The following LRRFIP2 variants were observed in gnomAD, a reference collection of about 807,000 sequenced individuals.
The protein encoded by LRRFIP2 is LRR binding FLII interacting protein 2, also known as leucine-rich repeat flightless-interacting protein 2.
A neutral mutation model predicts 125.9 loss-of-function variants in LRRFIP2; 109 were observed. That is an observed-to-expected ratio of 0.87 (90% confidence interval 0.74 to 1.01). LRRFIP2 has a LOEUF of 1.01. LRRFIP2 is among the 50% of genes least tolerant of loss of function. The pLI is 0.00. For synonymous variants in LRRFIP2, 291 were observed against 293.1 expected (o/e 0.99, Z 0.07); for missense variants, 850 against 862.3 (o/e 0.99, Z 0.18).
At chr3:37,136,472 A>G (rs2095556849) in intron 2 of LRRFIP2, among the ~76,000 whole-genome samples, 1 of 152,204 alleles carries the variant, frequency 6.6e-6, no homozygotes, top group Admixed American at 6.5e-5. Flanking sequence ...TAAATAGATG[A>G]GACTGAATGC....
In LRRFIP2 at chr3:37,127,655, T is replaced by C; in HGVS notation, c.203A>G (p.Lys68Arg). ...KEYSLHSFDR[K>R]WGQIQKWLED... ...CAGCCACTTCTGAATCTGTCCCCAC[T>C]TCCGATCAAAGGAATGAAGAGAGTA... Residue 68 changes from lysine to arginine, a missense_variant, in exon 4 of 28, where the codon AAG (lysine) becomes AGG (arginine). Physicochemically the swap from Lys to Arg is conservative, Grantham distance 26. Coordinates refer to ENST00000336686, the MANE Select transcript of LRRFIP2 (RefSeq NM_006309.4). 1 of 1,613,994 alleles carries C rather than the reference T, an allele frequency of 6.2e-7. No individual in the cohort carries two copies. The highest frequency in any genetic ancestry group is 1.1e-5 in the South Asian group (1 of 91,072).
intron 6 of LRRFIP2, among the ~76,000 whole-genome samples, chr3:37,117,830 A>G (rs1347085583): frequency 6.6e-6 from 1 of 152,234 alleles, no homozygotes; most frequent in Non-Finnish European, 1.5e-5. Context: ...TTCCTGGGCT[A>G]CACACCATAG....
chr3:37,149,069 G>A, intron 1 of LRRFIP2, 31 bp from the exon 2 acceptor site: 1 of 1,529,728 alleles, frequency 6.5e-7, no homozygotes, highest in Non-Finnish European at 8.8e-7. Flanking sequence ...ATAACTTAAG[G>A]TATTTCTTTG....
intron 19 of LRRFIP2, among the ~76,000 whole-genome samples, chr3:37,082,149 AG>A (rs2092697555): frequency 6.6e-6 from 1 of 152,208 alleles, no homozygotes; most frequent in Non-Finnish European, 1.5e-5. Flanking sequence ...AAGACAGATA[AG>A]AAAAAATGTG....
intron 2 of LRRFIP2, among the ~76,000 whole-genome samples, chr3:37,129,969 G>A (rs2095385543): frequency 6.6e-6 from 1 of 152,218 alleles, no homozygotes; most frequent in African/African-American, 2.4e-5. Flanking sequence ...CTGCAGCCTA[G>A]ATGACAGAGT....
At chr3:37,152,342 C>T (rs2096057772) in intron 1 of LRRFIP2, among the ~76,000 whole-genome samples, 1 of 152,122 alleles carries the variant, frequency 6.6e-6, no homozygotes, top group Non-Finnish European at 1.5e-5. Context: ...AGTGGGTACA[C>T]CATAAACTGC....
intron 15 of LRRFIP2, among the ~76,000 whole-genome samples, chr3:37,098,499 T>C (rs951394098): frequency 1.3e-5 from 2 of 151,898 alleles, no homozygotes. Context: ...GCTAGTCTCC[T>C]TGCCTCAGCC....
In LRRFIP2 at chr3:37,107,973, A is replaced by G. The variant is rs41285101; in HGVS notation, c.714+100T>C. 3.7e-3 allele frequency: 3,600 copies of G among 970,356 alleles called. 10 individuals carry two copies. The highest frequency in any genetic ancestry group is 5.0e-3 in the Non-Finnish European group (3,133 of 629,264). The allele number at this position is 970,356 out of a possible 1,614,324, so 60.1% of individuals were successfully genotyped here. A position where few individuals can be genotyped will look rare whatever the true frequency, so the allele number is the denominator to read the frequency against. ...AGGGAACACCTAATCCATGCACAACAAAGTGAATCACACCATATCCTCAAT... is the reference window on the plus strand; with the variant it reads ...AGGGAACACCTAATCCATGCACAACGAAGTGAATCACACCATATCCTCAAT... On this transcript the variant is annotated intron_variant, in intron 13 of 27. Coordinates refer to ENST00000336686, the MANE Select transcript of LRRFIP2 (RefSeq NM_006309.4).
At chr3:37,116,121 G>C (rs1227611408) in intron 6 of LRRFIP2, among the ~76,000 whole-genome samples, 1 of 152,028 alleles carries the variant, frequency 6.6e-6, no homozygotes, top group Non-Finnish European at 1.5e-5. Flanking sequence ...AATCAACTTA[G>C]TAGGGTCAAC....
chr3:37,156,079 T>C (rs2096181396), intron 1 of LRRFIP2, among the ~76,000 whole-genome samples: 1 of 152,124 alleles, frequency 6.6e-6, no homozygotes, highest in Non-Finnish European at 1.5e-5. Flanking sequence ...TACACCATGT[T>C]AGCCAGGCTC....
chr3:37,092,544 T>C (rs756763319), intron 17 of LRRFIP2, among the ~76,000 whole-genome samples: 37 of 152,322 alleles, frequency 2.4e-4, no homozygotes, highest in Non-Finnish European at 2.9e-4. Context: ...CAACAAGTAG[T>C]ATGACAAAAG....
At chr3:37,152,103 A>G (rs1048117517) in intron 1 of LRRFIP2, among the ~76,000 whole-genome samples, 5 of 152,314 alleles carry the variant, frequency 3.3e-5, no homozygotes, top group South Asian at 4.1e-4. Context: ...AGAAAATGTG[A>G]TATATATACA....
intron 2 of LRRFIP2, among the ~76,000 whole-genome samples, chr3:37,143,299 G>A (rs550339986): frequency 1.3e-5 from 2 of 152,328 alleles, no homozygotes; most frequent in African/African-American, 4.8e-5. Flanking sequence ...CTGTCTTTAT[G>A]TTGAATTCTC....
At chr3:37,172,685 C>T (rs574111040) in intron 1 of LRRFIP2, 2 of 152,308 alleles carry the variant, frequency 1.3e-5, no homozygotes, top group South Asian at 2.1e-4. Context: ...TAGGCTAAAA[C>T]AAATGCATAC....
chr3:37,153,185 A>T (rs927955220), intron 1 of LRRFIP2, among the ~76,000 whole-genome samples: 1 of 152,068 alleles, frequency 6.6e-6, no homozygotes, highest in African/African-American at 2.4e-5. Flanking sequence ...CTGCTTGAGC[A>T]TAGGAGTTTG....
chr3:37,132,479 A>G (rs2095451462), intron 2 of LRRFIP2, among the ~76,000 whole-genome samples: 1 of 152,266 alleles, frequency 6.6e-6, no homozygotes, highest in Non-Finnish European at 1.5e-5. Context: ...AACAGAAAGA[A>G]CATGGGCTTC....
At position 37,054,513 on chromosome 3, in the gene LRRFIP2, A is replaced by C; in HGVS notation, c.1953T>G (p.Ile651Met). ...TCAGAACCTGTCCCTCAAGCCGGCT[A>C]ATCTGTAAGTATGAGAACATAGGCC... ...EQDITTLEQS[I>M]SRLEGQVLRY... Residue 651 changes from isoleucine to methionine, a missense_variant and splice_region_variant, in exon 27 of 28, where the codon ATT becomes ATG. Physicochemically the swap from Ile to Met is conservative, Grantham distance 10. Coordinates refer to ENST00000336686, the MANE Select transcript of LRRFIP2 (RefSeq NM_006309.4). The C allele has an allele frequency of 6.2e-7, 1 of 1,611,800 alleles. No individual in the cohort carries two copies. The highest frequency in any genetic ancestry group is 2.2e-5 in the East Asian group (1 of 44,848).
At chr3:37,136,279 G>A (rs1357038440) in intron 2 of LRRFIP2, among the ~76,000 whole-genome samples, 1 of 152,194 alleles carries the variant, frequency 6.6e-6, no homozygotes, top group Non-Finnish European at 1.5e-5. Context: ...GCCAGGGGCT[G>A]GGGAAGGGGA....
chr3:37,112,902 C>CA lies in LRRFIP2; in HGVS notation c.438+12dup. 2.0e-6 allele frequency: 3 copies of CA among 1,491,010 alleles called. No homozygotes were observed. Among genetic ancestry groups the CA allele is most frequent in the Non-Finnish European group, 2.8e-6 (3 of 1,085,032 alleles). 92.4% of individuals were successfully genotyped at this position (1,491,010 alleles called of 1,614,324 possible). A position where few individuals can be genotyped will look rare whatever the true frequency, so the allele number is the denominator to read the frequency against. The stretch of plus-strand genomic sequence containing the variant: ...ACTTCGTGAATTGTGATATGAGAGA[C>CA]AACAGAACTAACCAGTAGGTCTTTA... On this transcript the variant is annotated intron_variant, in intron 8 of 27. Transcript: ENST00000336686.
Sources: allele counts gnomAD v4.1 joint callset (sites outside exome capture counted in the v4.1 genomes callset), GRCh38; gene constraint gnomAD v4.1.1; transcripts MANE v1.5; gene names NCBI Gene and HGNC (gene_info 2026-07-23, HGNC 2026-07-21).